HSPA12B: variants seen among roughly 807,000 people sequenced by gnomAD.
The protein encoded by HSPA12B is heat shock 70 kDa protein 12B.
Under a neutral mutation model 69.3 loss-of-function variants are expected in HSPA12B, and 54 were observed. That is an observed-to-expected ratio of 0.78 (90% CI 0.63 to 0.98). HSPA12B has a LOEUF of 0.98. Among genes scored for constraint, HSPA12B ranks in the 50% least tolerant of loss-of-function variants. The pLI, the probability that HSPA12B is intolerant of heterozygous loss-of-function variation, is 0.00. For missense variants in HSPA12B, 929 were observed against 999.8 expected (o/e 0.93, Z 0.96); for synonymous variants, 441 against 436.5 (o/e 1.01, Z -0.13).
intron 12 of HSPA12B, chr20:3,751,308 T>A: frequency 2.0e-6 from 2 of 985,340 alleles, no homozygotes; most frequent in Non-Finnish European, 2.4e-6. Context: ...GTGGGGAGCG[T>A]GAGTGTTGGG....
chr20:3,747,848 C>A (rs1021802394), intron 7 of HSPA12B, among the ~76,000 whole-genome samples: 2 of 152,048 alleles, frequency 1.3e-5, no homozygotes, highest in Non-Finnish European at 2.9e-5. Flanking sequence ...TCTGCCAATA[C>A]CCCCAGCCAG....
chr20:3,742,031 G>C (rs759439673), intron 3 of HSPA12B, among the ~76,000 whole-genome samples: 1 of 152,058 alleles, frequency 6.6e-6, no homozygotes, highest in Non-Finnish European at 1.5e-5. Context: ...GCAGAGGCTG[G>C]AAGCAGGAAA....
intron 4 of HSPA12B, among the ~76,000 whole-genome samples, chr20:3,743,040 ATT>A (rs35919024): frequency 0.7 from 99,169 of 142,384 alleles, 34,450 homozygotes; most frequent in South Asian, 0.77. Flanking sequence ...CACCCAGCTA[ATT>A]TTTTTTTTTT....
chr20:3,741,998 A>G (rs1165868739), intron 3 of HSPA12B, among the ~76,000 whole-genome samples: 1 of 151,964 alleles, frequency 6.6e-6, no homozygotes, highest in Non-Finnish European at 1.5e-5. Context: ...GGGTGGGGCT[A>G]AGGCAGTCCA....
intron 11 of HSPA12B, 99 bp from the exon 12 acceptor site, chr20:3,750,705 G>A (rs1316620612): frequency 4.4e-6 from 7 of 1,595,668 alleles, no homozygotes; most frequent in Non-Finnish European, 6.0e-6. Context: ...AGGCACTTCT[G>A]CCTGGAGGCA....
intron 12 of HSPA12B, 61 bp downstream of exon 12, chr20:3,750,968 TCCCC>T (rs913043484): frequency 7.1e-6 from 10 of 1,407,056 alleles, no homozygotes; most frequent in Non-Finnish European, 1.0e-5. Context: ...GCAGAATAAT[TCCCC>T]CCCATCAGTG....
chr20:3,745,447 G>A lies in HSPA12B; in HGVS notation c.454-46G>A. On this transcript the variant is annotated intron_variant, in intron 5 of 12. Coordinates refer to ENST00000254963, the MANE Select transcript of HSPA12B (RefSeq NM_052970.5). This position sits in a 1 kb window ranked among gnomAD's most constrained non-coding sequence, Gnocchi z 5.6. Reference sequence around the variant, plus strand: ...TAAGAGCGAGGTCGTCAGGAAATGAGTGCCAAGCTGAGGCCTCCTGCAGAG... The same window carrying A: ...TAAGAGCGAGGTCGTCAGGAAATGAATGCCAAGCTGAGGCCTCCTGCAGAG... The A allele has an allele frequency of 2.2e-6, 3 of 1,370,534 alleles. No individual in the cohort carries two copies. The highest frequency in any genetic ancestry group is 3.1e-6 in the Non-Finnish European group (3 of 958,054). 84.9% of individuals were successfully genotyped at this position (1,370,534 alleles called of 1,614,324 possible). A position where few individuals can be genotyped will look rare whatever the true frequency, so the allele number is the denominator to read the frequency against.
Position 3,749,631 on chromosome 20 carries a change from G to T in HSPA12B, c.938-119G>T. On this transcript the variant is annotated intron_variant, in intron 9 of 12. Coordinates refer to ENST00000254963, the MANE Select transcript of HSPA12B (RefSeq NM_052970.5). The surrounding 1 kb of genome is among the most constrained non-coding windows in gnomAD (Gnocchi z 5.5). ...CTGAAGCCCCTCACGTCCCTCCCCC[G>T]ACCCTGCAGACAGGCCTTGGGACCC... is the stretch of plus-strand genomic sequence containing the variant. The T allele has an allele frequency of 4.1e-6, 3 of 734,030 alleles. No individual in the cohort carries two copies. In the South Asian group the frequency reaches 5.4e-5, roughly 13 times the overall value. 45.5% of individuals were successfully genotyped at this position (734,030 alleles called of 1,614,324 possible).
Position 3,752,771 on chromosome 20 carries a change from G to T in HSPA12B, c.*605G>T, listed in dbSNP as rs549779751. 1 of 153,832 alleles carries T rather than the reference G, an allele frequency of 6.5e-6. No homozygotes were observed. The highest frequency in any genetic ancestry group is 1.5e-5 in the Non-Finnish European group (1 of 68,116). 9.5% of individuals were successfully genotyped at this position (153,832 alleles called of 1,614,324 possible). On this transcript the variant is annotated 3_prime_UTR_variant, in exon 13 of 13. Coordinates refer to ENST00000254963, the MANE Select transcript of HSPA12B (RefSeq NM_052970.5). ...CAGTAGATCTCTAATGTGGAGGTGG[G>T]AACATTATTGTGGTGGAGGCAATTA...
In HSPA12B at chr20:3,745,193, GGAGTCGTGGCTGA is replaced by G; in HGVS notation, c.453+109_453+121del. 2 of 1,080,554 alleles carry G rather than the reference GGAGTCGTGGCTGA, an allele frequency of 1.9e-6. No individual in the cohort carries two copies. Among genetic ancestry groups the G allele is most frequent in the Non-Finnish European group, 2.7e-6 (2 of 741,612 alleles). The allele number at this position is 1,080,554 out of a possible 1,614,324, so 66.9% of individuals were successfully genotyped here. Reference sequence around the variant, plus strand: ...CAAAACGTGTGAGGACCGGCCCGATGGAGTCGTGGCTGAGAGGGGGCGGGGCTAAAGGGAGACG... The same window carrying G: ...CAAAACGTGTGAGGACCGGCCCGATGGAGGGGGCGGGGCTAAAGGGAGACG... On this transcript the variant is annotated intron_variant, in intron 5 of 12. Transcript: ENST00000254963. This position sits in a 1 kb window ranked among gnomAD's most constrained non-coding sequence, Gnocchi z 5.6.
Position 3,745,106 on chromosome 20 carries a change from A to C in HSPA12B, c.453+18A>C, listed in dbSNP as rs751688103. On this transcript the variant is annotated intron_variant, in intron 5 of 12. Coordinates refer to ENST00000254963, the MANE Select transcript of HSPA12B (RefSeq NM_052970.5). This position sits in a 1 kb window ranked among gnomAD's most constrained non-coding sequence, Gnocchi z 5.6. ...GCGCCACGGTGAGTCACAGGGCTCC[A>C]GACAGGGAGGCGGGGCCAGCATGGA... is the stretch of plus-strand genomic sequence containing the variant. 6.3e-7 allele frequency: 1 copy of C among 1,590,426 alleles called. No individual in the cohort carries two copies. Among genetic ancestry groups the C allele is most frequent in the Non-Finnish European group, 8.6e-7 (1 of 1,162,308 alleles).
Position 3,745,605 on chromosome 20 carries a change from G to A in HSPA12B, c.558+8G>A, listed in dbSNP as rs781175107. 89 of 1,610,722 alleles carry A rather than the reference G, an allele frequency of 5.5e-5. 2 individuals are homozygous for A. In the South Asian group the frequency reaches 8.8e-4, roughly 16 times the overall value. On this transcript the variant is annotated splice_region_variant and intron_variant, in intron 6 of 12. Coordinates refer to ENST00000254963, the MANE Select transcript of HSPA12B (RefSeq NM_052970.5). This position sits in a 1 kb window ranked among gnomAD's most constrained non-coding sequence, Gnocchi z 5.6. ...AGGGAGCACGCCCTTCAGGTGCGCT[G>A]CGGCCCCACCTCTGCCGACTGTGGC...
At chr20:3,736,384 C>T (rs2088108880) in intron 1 of HSPA12B, among the ~76,000 whole-genome samples, 1 of 152,220 alleles carries the variant, frequency 6.6e-6, no homozygotes, top group Non-Finnish European at 1.5e-5. Flanking sequence ...CTCCATGGTG[C>T]TGGCCATGCA....
rs1038503484 is a variant in HSPA12B at position 3,752,408 on chromosome 20, G to A, written c.*242G>A. On this transcript the variant is annotated 3_prime_UTR_variant, in exon 13 of 13. Transcript: ENST00000254963. ...TGAAGGGACCCGCCAAGGACTGAAC[G>A]GGTAAGAGAAGAGGTTTGCAAGACA... 11 of 438,404 alleles carry A rather than the reference G, an allele frequency of 2.5e-5. 1 individual carries two copies. The East Asian group carries it at 3.2e-4, about 13-fold the overall frequency. 27.2% of individuals were successfully genotyped at this position (438,404 alleles called of 1,614,324 possible).
intron 4 of HSPA12B, 111 bp downstream of exon 4, chr20:3,742,519 C>T (rs979066699): frequency 8.8e-5 from 75 of 850,506 alleles, no homozygotes; most frequent in Non-Finnish European, 7.6e-5. Flanking sequence ...GGCCCTGCCA[C>T]CCCCAGTCTG....
Position 3,748,277 on chromosome 20 carries a change from G to T in HSPA12B, c.736G>T (p.Ala246Ser). 2 of 1,606,414 alleles carry T rather than the reference G, an allele frequency of 1.2e-6. No homozygotes were observed. Among genetic ancestry groups the T allele is most frequent in the Admixed American group, 3.4e-5 (2 of 59,324 alleles). Reference protein sequence around the residue: ...QLLIALEPEAASVYCRKLRLH... With the variant: ...QLLIALEPEASSVYCRKLRLH... ...ACTCATCGCCCTGGAGCCCGAGGCC[G>T]CCTCGGTATACTGCCGCAAGCTGCG... Residue 246 changes from alanine (A) to serine (S), a missense_variant, in exon 8 of 13, where the codon GCC (alanine) becomes TCC (serine). Physicochemically the swap from Ala to Ser is moderately conservative, Grantham distance 99. Around this residue, in one of 3 missense-constraint regions of HSPA12B, gnomAD observed 477 missense variants for 535.2 expected, o/e 0.89. Coordinates refer to ENST00000254963, the MANE Select transcript of HSPA12B (RefSeq NM_052970.5).
At chr20:3,733,752 TGTGG>T (rs890803815) in intron 1 of HSPA12B, among the ~76,000 whole-genome samples, 4 of 152,204 alleles carry the variant, frequency 2.6e-5, no homozygotes, top group Non-Finnish European at 5.9e-5. Flanking sequence ...AAGAAACGCC[TGTGG>T]CCTCACTTAG....
Position 3,751,785 on chromosome 20 carries a change from G to C in HSPA12B, c.1680G>C (p.Lys560Asn). 1 of 1,527,862 alleles carries C rather than the reference G, an allele frequency of 6.5e-7. No homozygotes were observed. The allele number at this position is 1,527,862 out of a possible 1,614,324, so 94.6% of individuals were successfully genotyped here. The change falls in exon 13 of 13, where the codon AAG becomes AAC. Residue 560 changes from lysine (K) to asparagine (N), a missense_variant. Coordinates refer to ENST00000254963, the MANE Select transcript of HSPA12B (RefSeq NM_052970.5). ...TGCCTGGGCGCCACCCGCCCGAAAA[G>C]CTGCTGGTTCGCGACGGCCGCCGCT... is the stretch of plus-strand genomic sequence containing the variant. ...RFVPGRHPPEKLLVRDGRRWC... is the reference protein window; with the variant it reads ...RFVPGRHPPENLLVRDGRRWC...
chr20:3,751,020 C>T, intron 12 of HSPA12B, 113 bp downstream of exon 12: 1 of 956,678 alleles, frequency 1.0e-6, no homozygotes, highest in Non-Finnish European at 1.6e-6. Context: ...TGTGATGAGA[C>T]CTAGAATCAT....
Sources: allele counts gnomAD v4.1 joint callset (sites outside exome capture counted in the v4.1 genomes callset), GRCh38; gene constraint gnomAD v4.1.1; regional missense constraint gnomAD v4.1.1; non-coding constraint Gnocchi (gnomAD v3.1); transcripts MANE v1.5; gene names NCBI Gene and HGNC (gene_info 2026-07-23, HGNC 2026-07-21).